Variants in ZNF367 observed in about 807,000 individuals in gnomAD.
ZNF367 encodes zinc finger protein 367, also known as C2H2 zinc finger protein ZFF29.
In ZNF367, 11 loss-of-function variants were observed where a neutral mutation model predicts 31.8. That is an observed-to-expected ratio of 0.35 (90% CI 0.22 to 0.57). ZNF367 has a LOEUF of 0.57. Among genes scored for constraint, ZNF367 ranks in the 20% least tolerant of loss-of-function variants. ZNF367 has a pLI of 0.85. For synonymous variants in ZNF367, 199 were observed against 202.4 expected (o/e 0.98, Z 0.14); for missense variants, 353 against 484.1 (o/e 0.73, Z 2.54).
chr9:96,397,297 G>A (rs1455338161), intron 2 of ZNF367, among the ~76,000 whole-genome samples: 4 of 151,036 alleles, frequency 2.6e-5, no homozygotes, highest in African/African-American at 9.8e-5. Context: ...TTTATAGCGA[G>A]AACAAGGGCC....
At chr9:96,407,352 A>C (rs1831683634) in intron 1 of ZNF367, 3 of 1,561,578 alleles carry the variant, frequency 1.9e-6, no homozygotes, top group Non-Finnish European at 2.6e-6. Context: ...ACCATGAGAA[A>C]AAGAGAAAGA....
At chr9:96,397,222 G>A (rs958336743) in intron 2 of ZNF367, among the ~76,000 whole-genome samples, 37 of 151,978 alleles carry the variant, frequency 2.4e-4, no homozygotes, top group African/African-American at 7.3e-4. Flanking sequence ...TGGATTTTTG[G>A]CACTTCAGTT....
chr9:96,410,511 G>C (rs193079740), intron 1 of ZNF367, among the ~76,000 whole-genome samples: 1 of 145,678 alleles, frequency 6.9e-6, no homozygotes, highest in South Asian at 2.3e-4. Flanking sequence ...GCAGTGAGCC[G>C]AGATGGCACC....
rs934056570 is a variant in ZNF367 at position 96,397,866 on chromosome 9, C to T, written c.571+298G>A. ...CAGCACTTTGGGAGGCCGAGGCAGG[C>T]GGATCACAAGGTCAGGAGTTCGAGA... On this transcript the variant is annotated intron_variant, in intron 2 of 4. Transcript: ENST00000375256. 3.3e-5 allele frequency among the ~76,000 whole-genome samples: 5 copies of T among 151,852 alleles called. No homozygotes were observed. The South Asian group carries it at 6.2e-4, about 19-fold the overall frequency.
chr9:96,393,278 C>G (rs560799013), intron 3 of ZNF367, among the ~76,000 whole-genome samples: 1 of 152,270 alleles, frequency 6.6e-6, no homozygotes, highest in South Asian at 2.1e-4. Context: ...AATCCCAACA[C>G]TTTGGGAGGC....
Position 96,388,330 on chromosome 9 carries a change from G to GGCCCCT in ZNF367, c.954_959dup (p.Gly319_Ala320dup), listed in dbSNP as rs1487811342. ...CCCGCTGCTCCTGCAGCCGGCGCTG[G>GGCCCCT]GCCCCTCTCTTCTCGTCGTCCTCTT... is the stretch of plus-strand genomic sequence containing the variant. On this transcript the variant is annotated inframe_insertion, in exon 5 of 5. Transcript: ENST00000375256. 1.2e-5 allele frequency: 19 copies of GGCCCCT among 1,612,558 alleles called. No homozygotes were observed. The highest frequency in any genetic ancestry group is 1.4e-5 in the Non-Finnish European group (17 of 1,180,008).
At chr9:96,407,490 T>A in intron 1 of ZNF367, 1 of 1,301,210 alleles carries the variant, frequency 7.7e-7, no homozygotes, top group Non-Finnish European at 1.1e-6. Flanking sequence ...CAAAGATGCA[T>A]GAAAAGAAAA....
At chr9:96,392,305 G>T in intron 4 of ZNF367, 93 bp downstream of exon 4, 2 of 1,565,606 alleles carry the variant, frequency 1.3e-6, no homozygotes, top group Non-Finnish European at 1.8e-6. Flanking sequence ...TATAAATGCA[G>T]CTTATTTAAA....
chr9:96,390,394 C>T (rs553235516), intron 4 of ZNF367, among the ~76,000 whole-genome samples: 8 of 152,132 alleles, frequency 5.3e-5, no homozygotes, highest in African/African-American at 1.9e-4. Context: ...ATAAGTTCAG[C>T]AAGTCAGCAG....
intron 1 of ZNF367, among the ~76,000 whole-genome samples, chr9:96,415,221 A>ATT (rs775576212): frequency 0.015 from 1,967 of 128,858 alleles, 62 homozygotes; most frequent in African/African-American, 0.052. Flanking sequence ...CCCCTGGCCA[A>ATT]TTTTTTTTTT....
chr9:96,408,968 C>T (rs1831706930), intron 1 of ZNF367, among the ~76,000 whole-genome samples: 3 of 152,172 alleles, frequency 2.0e-5, no homozygotes, highest in Non-Finnish European at 4.4e-5. Flanking sequence ...GTATTGGAGG[C>T]GGAGCCTAGT....
chr9:96,392,301 T>C (rs1414028489), intron 4 of ZNF367, 97 bp downstream of exon 4: 1 of 1,558,818 alleles, frequency 6.4e-7, no homozygotes, highest in Non-Finnish European at 8.8e-7. Flanking sequence ...TGTGTATAAA[T>C]GCAGCTTATT....
intron 3 of ZNF367, among the ~76,000 whole-genome samples, chr9:96,393,551 G>A (rs980890467): frequency 2.0e-5 from 3 of 147,004 alleles, no homozygotes; most frequent in African/African-American, 7.6e-5. Flanking sequence ...ATAAATAAAT[G>A]CTGGGCGCAG....
chr9:96,386,768 T>C lies in ZNF367; in HGVS notation c.*1469A>G, dbSNP rs1831412651. The stretch of plus-strand genomic sequence containing the variant: ...CCGTGGCTACATATTTTAAACTATC[T>C]GTGTACTATGACACATTGGGATTTT... On this transcript the variant is annotated 3_prime_UTR_variant, in exon 5 of 5. Transcript: ENST00000375256. 6.6e-6 allele frequency: 1 copy of C among 152,208 alleles called. No individual in the cohort carries two copies. Among genetic ancestry groups the C allele is most frequent in the Non-Finnish European group, 1.5e-5 (1 of 68,016 alleles). 9.4% of individuals were successfully genotyped at this position (152,208 alleles called of 1,614,324 possible). A position where few individuals can be genotyped will look rare whatever the true frequency, so the allele number is the denominator to read the frequency against.
intron 4 of ZNF367, among the ~76,000 whole-genome samples, chr9:96,390,611 C>T (rs915625291): frequency 7.2e-5 from 11 of 152,044 alleles, no homozygotes; most frequent in Non-Finnish European, 1.3e-4. Flanking sequence ...AGGCGAGGTG[C>T]GGTGGCTCAT....
chr9:96,398,388 C>A, intron 1 of ZNF367, 74 bp from the exon 2 acceptor site: 1 of 1,395,104 alleles, frequency 7.2e-7, no homozygotes, highest in Non-Finnish European at 9.7e-7. Flanking sequence ...CATAATATAA[C>A]TTTCAAAAAT....
chr9:96,410,566 A>C (rs1275029667), intron 1 of ZNF367, among the ~76,000 whole-genome samples: 1 of 146,442 alleles, frequency 6.8e-6, no homozygotes, highest in African/African-American at 2.5e-5. Context: ...CGTCTCAAAA[A>C]AAAAAAAAAA....
At chr9:96,400,502 A>T (rs1308735766) in intron 1 of ZNF367, among the ~76,000 whole-genome samples, 1 of 152,008 alleles carries the variant, frequency 6.6e-6, no homozygotes, top group Non-Finnish European at 1.5e-5. Flanking sequence ...AATTATAAAA[A>T]AGAATCAAAT....
At position 96,387,144 on chromosome 9, in the gene ZNF367, A is replaced by G. The variant is rs1270040607; in HGVS notation, c.*1093T>C. 2.6e-5 allele frequency: 4 copies of G among 152,210 alleles called. No homozygotes were observed. Among genetic ancestry groups the G allele is most frequent in the Non-Finnish European group, 2.9e-5 (2 of 68,024 alleles). 9.4% of individuals were successfully genotyped at this position (152,210 alleles called of 1,614,324 possible). A position where few individuals can be genotyped will look rare whatever the true frequency, so the allele number is the denominator to read the frequency against. ...GCAGTTAAAACTATTTCAGAAGCCT[A>G]CTTATTTGAGTAGCTAATATTTTCT... is the stretch of plus-strand genomic sequence containing the variant. On this transcript the variant is annotated 3_prime_UTR_variant, in exon 5 of 5. Coordinates refer to ENST00000375256, the MANE Select transcript of ZNF367 (RefSeq NM_153695.4).
Sources: gnomAD v4.1 joint callset for allele counts (sites outside exome capture counted in the v4.1 genomes callset) on GRCh38, gnomAD v4.1.1 for gene constraint, MANE v1.5 for transcripts, NCBI Gene and HGNC (gene_info 2026-07-23, HGNC 2026-07-21) for gene names.